The following TBC1D4 variants were observed in gnomAD, a reference collection of about 807,000 sequenced individuals.
The protein encoded by TBC1D4 is TBC (Tre-2, BUB2, CDC16) domain-containing protein.
Under a neutral mutation model 142.5 loss-of-function variants are expected in TBC1D4, and 121 were observed. The ratio of observed to expected loss-of-function variants is 0.85; its 90% CI spans 0.73 to 0.99. TBC1D4 has a LOEUF of 0.99. Among genes scored for constraint, TBC1D4 ranks in the 50% least tolerant of loss-of-function variants. The pLI is 0.00. For missense variants in TBC1D4, 1,475 were observed against 1,606.6 expected, an observed-to-expected ratio of 0.92 and a Z score of 1.40; for synonymous variants, 630 against 628.2, an observed-to-expected ratio of 1.00 and a Z score of -0.04.
intron 17 of TBC1D4, among the ~76,000 whole-genome samples, chr13:75,297,711 C>G (rs963175278): frequency 6.6e-6 from 1 of 150,798 alleles, no homozygotes; most frequent in Non-Finnish European, 1.5e-5. Flanking sequence ...GAGCCAAGAT[C>G]GCGCCACTGC....
At chr13:75,294,810 T>C in intron 18 of TBC1D4, 44 bp downstream of exon 18, 1 of 1,599,354 alleles carries the variant, frequency 6.3e-7, no homozygotes, top group Non-Finnish European at 8.6e-7. Flanking sequence ...GTATAGTCCT[T>C]GGAATAAATA....
intron 1 of TBC1D4, among the ~76,000 whole-genome samples, chr13:75,378,580 T>C (rs936649326): frequency 6.6e-6 from 1 of 152,120 alleles, no homozygotes; most frequent in African/African-American, 2.4e-5. Flanking sequence ...GTTAGCATAA[T>C]GAAGGGAAAA....
At chr13:75,375,636 A>G (rs1462676846) in intron 1 of TBC1D4, 1 of 152,102 alleles carries the variant, frequency 6.6e-6, no homozygotes, top group Admixed American at 6.6e-5. Flanking sequence ...GGTGCCTTCT[A>G]TCTTGTTTCT....
At chr13:75,413,999 C>T (rs996935096) in intron 1 of TBC1D4, among the ~76,000 whole-genome samples, 5 of 152,220 alleles carry the variant, frequency 3.3e-5, no homozygotes, top group Non-Finnish European at 7.3e-5. Flanking sequence ...GTCTCTTCAA[C>T]TTCATATGCC....
intron 8 of TBC1D4, among the ~76,000 whole-genome samples, chr13:75,328,643 C>T (rs953498513): frequency 8.5e-5 from 13 of 152,082 alleles, no homozygotes; most frequent in Non-Finnish European, 5.9e-5. Context: ...AGGAGTTCCA[C>T]ACAACTCTAG....
rs961147783 is a variant in TBC1D4, at chr13:75,287,090, C to A, written c.3664-65G>T. ...ATTATAGTAGGAGACAGTCCTTACA[C>A]ATATTAACCAATTACTTCAAATTAC... On this transcript the variant is annotated intron_variant, in intron 20 of 20. Transcript: ENST00000377636. 5 of 1,317,524 alleles carry A rather than the reference C, an allele frequency of 3.8e-6. No individual in the cohort carries two copies. In the Admixed American group the frequency reaches 5.2e-5, roughly 14 times the overall value. 81.6% of individuals were successfully genotyped at this position (1,317,524 alleles called of 1,614,324 possible). A position where few individuals can be genotyped will look rare whatever the true frequency, so the allele number is the denominator to read the frequency against.
chr13:75,402,944 A>T (rs1885170850), intron 1 of TBC1D4, among the ~76,000 whole-genome samples: 1 of 152,224 alleles, frequency 6.6e-6, no homozygotes, highest in Non-Finnish European at 1.5e-5. Flanking sequence ...AAATCAGAGG[A>T]AGCTGTGAAG....
intron 1 of TBC1D4, among the ~76,000 whole-genome samples, chr13:75,430,082 T>G (rs1886534725): frequency 6.6e-6 from 1 of 152,146 alleles, no homozygotes; most frequent in Non-Finnish European, 1.5e-5. Context: ...ACACAGACAA[T>G]GAACACAGAA....
chr13:75,292,929 T>A (rs1875486535), intron 18 of TBC1D4, among the ~76,000 whole-genome samples: 1 of 151,920 alleles, frequency 6.6e-6, no homozygotes, highest in South Asian at 2.1e-4. Context: ...CTGAGGTGGG[T>A]GGATGGCTTG....
chr13:75,406,234 A>C (rs759313275), intron 1 of TBC1D4, among the ~76,000 whole-genome samples: 19 of 152,204 alleles, frequency 1.2e-4, no homozygotes, highest in Non-Finnish European at 7.3e-5. Context: ...CAGAAGGAAA[A>C]CACTTAGCCT....
intron 1 of TBC1D4, among the ~76,000 whole-genome samples, chr13:75,440,193 T>C (rs1284151638): frequency 6.6e-6 from 1 of 151,682 alleles, no homozygotes; most frequent in African/African-American, 2.4e-5. Flanking sequence ...GTGTTATAAC[T>C]GGAAAAGAAA....
chr13:75,428,969 G>A (rs1290781865), intron 1 of TBC1D4, among the ~76,000 whole-genome samples: 1 of 152,128 alleles, frequency 6.6e-6, no homozygotes, highest in African/African-American at 2.4e-5. Flanking sequence ...CATCCTAAGA[G>A]GTAAGAGTGA....
intron 1 of TBC1D4, among the ~76,000 whole-genome samples, chr13:75,373,233 C>T (rs1325366797): frequency 1.3e-5 from 2 of 152,120 alleles, no homozygotes; most frequent in Non-Finnish European, 2.9e-5. Flanking sequence ...TTTGTCCTGT[C>T]CTTCCACATT....
Position 75,327,807 on chromosome 13 carries a change from C to T in TBC1D4, c.1751G>A (p.Gly584Asp), listed in dbSNP as rs753056319. The T allele has an allele frequency of 1.2e-6, 2 of 1,613,822 alleles. No homozygotes were observed. Among genetic ancestry groups the T allele is most frequent in the East Asian group, 2.2e-5 (1 of 44,868 alleles). The change falls in exon 9 of 21, where the codon GGT becomes GAT. Residue 584 changes from glycine to aspartate, a missense_variant. This residue lies in a region of TBC1D4 where 1,227 missense variants were observed against 1,267.7 expected (regional missense o/e 0.97). Coordinates refer to ENST00000377636, the MANE Select transcript of TBC1D4 (RefSeq NM_014832.5). ...AAAACTGTCCACACTTCCAAGCCGACCTCTCATTCTGTTAGCTCCCTGAGT... is the reference window on the plus strand; with the variant it reads ...AAAACTGTCCACACTTCCAAGCCGATCTCTCATTCTGTTAGCTCCCTGAGT... ...IFSRGANRMR[G>D]RLGSVDSFER...
intron 1 of TBC1D4, among the ~76,000 whole-genome samples, chr13:75,404,996 A>AGG (rs1292760674): frequency 6.6e-6 from 1 of 152,176 alleles, no homozygotes; most frequent in Admixed American, 6.5e-5. Flanking sequence ...TATGTGGGCC[A>AGG]GGGGTTGAGA....
intron 1 of TBC1D4, among the ~76,000 whole-genome samples, chr13:75,472,615 G>A (rs1227585127): frequency 6.6e-6 from 1 of 151,822 alleles, no homozygotes; most frequent in Non-Finnish European, 1.5e-5. Flanking sequence ...GAAGGGGCGA[G>A]GACCATAACT....
chr13:75,351,377 T>G (rs9543906), intron 4 of TBC1D4, among the ~76,000 whole-genome samples: 61,655 of 151,706 alleles, frequency 0.41, 14,683 homozygotes, highest in East Asian at 0.69. Flanking sequence ...CCTATTTTTT[T>G]GGGGGGGTAT....
chr13:75,358,110 G>C (rs988545430), intron 3 of TBC1D4, among the ~76,000 whole-genome samples: 2 of 152,034 alleles, frequency 1.3e-5, no homozygotes, highest in African/African-American at 2.4e-5. Flanking sequence ...TGGTGCTCTG[G>C]GATAGGAACT....
At chr13:75,411,715 T>C (rs1885676769) in intron 1 of TBC1D4, among the ~76,000 whole-genome samples, 1 of 151,980 alleles carries the variant, frequency 6.6e-6, no homozygotes, top group Non-Finnish European at 1.5e-5. Context: ...TTTTTTTCTT[T>C]TTGGTAGAGA....
Sources: gnomAD v4.1 joint callset for allele counts (sites outside exome capture counted in the v4.1 genomes callset) on GRCh38, gnomAD v4.1.1 for gene constraint, gnomAD v4.1.1 regional missense constraint, MANE v1.5 for transcripts, NCBI Gene and HGNC (gene_info 2026-07-23, HGNC 2026-07-21) for gene names.